The following ANKRD18B variants were observed in gnomAD, a reference collection of about 807,000 sequenced individuals.
The protein encoded by ANKRD18B is ankyrin repeat domain 18B.
ANKRD18B carries 75 observed loss-of-function variants against 111.8 expected under a neutral mutation model. That is an observed-to-expected ratio of 0.67 (90% confidence interval 0.56 to 0.81). ANKRD18B has a LOEUF of 0.81. Among genes scored for constraint, ANKRD18B ranks in the 40% least tolerant of loss-of-function variants. The pLI is 0.00. For missense variants in ANKRD18B, 1,038 were observed against 1,225.5 expected (o/e 0.85, Z 2.28); for synonymous variants, 356 against 417.3 (o/e 0.85, Z 1.79).
Position 33,529,191 on chromosome 9 carries a change from T to G in ANKRD18B, c.495+18T>G. 2 of 1,578,020 alleles carry G rather than the reference T, an allele frequency of 1.3e-6. No individual in the cohort carries two copies. The highest frequency in any genetic ancestry group is 3.9e-5 in the Admixed American group (2 of 51,364). On this transcript the variant is annotated intron_variant, in intron 3 of 18. Coordinates refer to ENST00000684830, the MANE Select transcript of ANKRD18B (RefSeq NM_001393611.1). ...TAAACAAGGTACAGATCAATCAACTTTCTTTTCAAAATGTTTGTTTTAATA... is the reference window on the plus strand; with the variant it reads ...TAAACAAGGTACAGATCAATCAACTGTCTTTTCAAAATGTTTGTTTTAATA...
chr9:33,527,470 T>C (rs1482030710), intron 1 of ANKRD18B, among the ~76,000 whole-genome samples: 1 of 152,074 alleles, frequency 6.6e-6, no homozygotes, highest in Non-Finnish European at 1.5e-5. Flanking sequence ...TACAGGTGCC[T>C]GCCACCACGC....
chr9:33,556,543 G>A (rs1165854736), intron 13 of ANKRD18B, among the ~76,000 whole-genome samples: 11 of 152,138 alleles, frequency 7.2e-5, no homozygotes, highest in South Asian at 2.1e-4. Flanking sequence ...GAGCCACTGC[G>A]CTTAGCAATG....
At chr9:33,575,363 T>C (rs1335200742), downstream of ANKRD18B, among the ~76,000 whole-genome samples, 1 of 152,200 alleles carries the variant, frequency 6.6e-6, no homozygotes, top group Admixed American at 6.5e-5. Flanking sequence ...CAGGGCAGCA[T>C]GCAGCCAGCT....
chr9:33,529,167 A>G lies in ANKRD18B; in HGVS notation c.489A>G (p.Leu163=), dbSNP rs760439465. ...CCCACCATGCAAATATTGAAGCACT[A>G]AACAAGGTACAGATCAATCAACTTT... ...LLSHHANIEA[L]NKEGNTPLLF... Residue 163 remains leucine (L), a synonymous_variant, in exon 3 of 19, where the codon CTA becomes CTG. Coordinates refer to ENST00000684830, the MANE Select transcript of ANKRD18B (RefSeq NM_001393611.1). The G allele has an allele frequency of 4.3e-6, 7 of 1,610,812 alleles. No individual in the cohort carries two copies. The highest frequency in any genetic ancestry group is 5.1e-6 in the Non-Finnish European group (6 of 1,179,330).
In ANKRD18B at chr9:33,548,878, C is replaced by A. The variant is rs570896404; in HGVS notation, c.2067+23C>A. 661 of 1,446,538 alleles carry A rather than the reference C, an allele frequency of 4.6e-4. 2 individuals are homozygous for A. Among genetic ancestry groups the A allele is most frequent in the African/African-American group, 1.2e-4 (8 of 69,546 alleles). The allele number at this position is 1,446,538 out of a possible 1,614,324, so 89.6% of individuals were successfully genotyped here. On this transcript the variant is annotated intron_variant, in intron 11 of 18. Transcript: ENST00000684830. Reference sequence around the variant, plus strand: ...GAAGTAAGTATGAAGAAAACTATAACCTTCTGGAAAGAAAATTTAAACATT... The same window carrying A: ...GAAGTAAGTATGAAGAAAACTATAAACTTCTGGAAAGAAAATTTAAACATT...
At chr9:33,530,069 T>A (rs570995089) in intron 3 of ANKRD18B, among the ~76,000 whole-genome samples, 1 of 152,284 alleles carries the variant, frequency 6.6e-6, no homozygotes, top group African/African-American at 2.4e-5. Context: ...GAAAATTAAT[T>A]GGAGTTTTAA....
At chr9:33,532,545 C>T (rs1241241549) in intron 3 of ANKRD18B, among the ~76,000 whole-genome samples, 1 of 152,162 alleles carries the variant, frequency 6.6e-6, no homozygotes, top group Admixed American at 6.5e-5. Context: ...ACAGAATATA[C>T]TGAGCTTTCT....
At chr9:33,541,349 A>G in intron 9 of ANKRD18B, 122 bp downstream of exon 9, 1 of 1,370,304 alleles carries the variant, frequency 7.3e-7, no homozygotes, top group Non-Finnish European at 9.7e-7. Flanking sequence ...TCAGTCTATT[A>G]CAAGGTTTTC....
intron 9 of ANKRD18B, 133 bp from the exon 10 acceptor site, chr9:33,543,052 T>C (rs546385333): frequency 1.1e-6 from 1 of 898,562 alleles, no homozygotes; most frequent in African/African-American, 1.7e-5. Flanking sequence ...AATGTAAATA[T>C]TCCAGTAAAC....
Position 33,540,164 on chromosome 9 carries a change from C to T in ANKRD18B, c.949C>T (p.Leu317Phe), listed in dbSNP as rs1828258054. The change falls in exon 8 of 19, where the codon CTC becomes TTC. Residue 317 changes from leucine to phenylalanine, a missense_variant. By Grantham distance (22) the Leu-to-Phe change is conservative (BLOSUM62 0). This residue lies in a region of ANKRD18B where 93 missense variants were observed against 141.3 expected (regional missense o/e 0.66). Transcript: ENST00000684830. ...SPPRFKQFSC[L>F]SLPRSWDNRH... ...TCCCAGGTTCAAGCAATTCTCCTGC[C>T]TCAGCCTCCCGAGGAGCTGGGACAA... The T allele has an allele frequency of 6.6e-6, 1 of 151,148 alleles. No individual in the cohort carries two copies. The highest frequency in any genetic ancestry group is 1.5e-5 in the Non-Finnish European group (1 of 67,838). The allele number at this position is 151,148 out of a possible 1,614,324, so 9.4% of individuals were successfully genotyped here.
chr9:33,566,657 A>G (rs1828690165), intron 15 of ANKRD18B, among the ~76,000 whole-genome samples, 157 bp downstream of exon 15: 1 of 152,122 alleles, frequency 6.6e-6, no homozygotes. Context: ...TTTCCTTTTA[A>G]ATATTTAAAT....
At position 33,543,270 on chromosome 9, in the gene ANKRD18B, A is replaced by C; in HGVS notation, c.1149+15A>C. 1 of 1,536,590 alleles carries C rather than the reference A, an allele frequency of 6.5e-7. No individual in the cohort carries two copies. The highest frequency in any genetic ancestry group is 8.8e-7 in the Non-Finnish European group (1 of 1,137,986). On this transcript the variant is annotated intron_variant, in intron 10 of 18. Coordinates refer to ENST00000684830, the MANE Select transcript of ANKRD18B (RefSeq NM_001393611.1). ...AACAGCCGCAGGTATATAACAATTT[A>C]AATTTCTGGTTTAATATTGGTTTGT...
chr9:33,572,063 A>C, intron 18 of ANKRD18B: 1 of 463,874 alleles, frequency 2.2e-6, no homozygotes. Context: ...TTGTAATTCC[A>C]GTGCTGGCTC....
intron 16 of ANKRD18B, among the ~76,000 whole-genome samples, chr9:33,568,410 C>A (rs7046230): frequency 0.081 from 12,380 of 152,264 alleles, 509 homozygotes; most frequent in South Asian, 0.099. Flanking sequence ...AGCTGTACAT[C>A]ACTGATAGCC....
chr9:33,561,819 G>A (rs1828612882), intron 14 of ANKRD18B, among the ~76,000 whole-genome samples: 2 of 152,072 alleles, frequency 1.3e-5, no homozygotes, highest in Admixed American at 1.3e-4. Flanking sequence ...TCAATTGACT[G>A]TAAATGTGCA....
chr9:33,533,560 G>T lies in ANKRD18B; in HGVS notation c.602+15G>T. ...AATTTCAAAAGGTGCAATAGTTTTT[G>T]TTTTCTGTTTTCTTTTTTCCTAAAA... is the stretch of plus-strand genomic sequence containing the variant. On this transcript the variant is annotated intron_variant, in intron 4 of 18. Coordinates refer to ENST00000684830, the MANE Select transcript of ANKRD18B (RefSeq NM_001393611.1). 2 of 1,525,034 alleles carry T rather than the reference G, an allele frequency of 1.3e-6. No homozygotes were observed. The highest frequency in any genetic ancestry group is 2.6e-5 in the South Asian group (2 of 78,252). The allele number at this position is 1,525,034 out of a possible 1,614,324, so 94.5% of individuals were successfully genotyped here.
chr9:33,530,111 GCC>G (rs1489544439), intron 3 of ANKRD18B, among the ~76,000 whole-genome samples: 2 of 152,084 alleles, frequency 1.3e-5, no homozygotes, highest in Admixed American at 1.3e-4. Flanking sequence ...CTTCTCTCTG[GCC>G]ACATCCCAAG....
At chr9:33,541,807 TGAC>T (rs1171217076) in intron 9 of ANKRD18B, among the ~76,000 whole-genome samples, 1 of 152,214 alleles carries the variant, frequency 6.6e-6, no homozygotes, top group East Asian at 1.9e-4. Flanking sequence ...ATTTAAGAAA[TGAC>T]AATAATAGTT....
intron 10 of ANKRD18B, among the ~76,000 whole-genome samples, chr9:33,546,164 G>A (rs1175475046): frequency 2.0e-5 from 3 of 152,196 alleles, no homozygotes; most frequent in Non-Finnish European, 4.4e-5. Context: ...TGGTAATACA[G>A]TGGGAGGAAA....
Sources: gnomAD v4.1 joint callset for allele counts (sites outside exome capture counted in the v4.1 genomes callset) on GRCh38, gnomAD v4.1.1 for gene constraint, gnomAD v4.1.1 regional missense constraint, MANE v1.5 for transcripts, NCBI Gene and HGNC (gene_info 2026-07-23, HGNC 2026-07-21) for gene names.